Variants in MPDZ observed in about 807,000 individuals in gnomAD.
MPDZ encodes multiple PDZ domain crumbs cell polarity complex component, also known as multiple PDZ domain protein.
A neutral mutation model predicts 239.1 loss-of-function variants in MPDZ; 234 were observed. The ratio of observed to expected loss-of-function variants is 0.98; its 90% CI spans 0.88 to 1.09. The LOEUF (loss-of-function observed/expected upper bound fraction) is 1.09, where lower values mean the gene tolerates loss of function less well. MPDZ is among the 50% of genes least tolerant of loss of function. MPDZ has a pLI of 0.00. For missense variants in MPDZ, 3,175 were observed against 2,510.0 expected, an observed-to-expected ratio of 1.26 and a Z score of -5.66; for synonymous variants, 1,048 against 881.3, an observed-to-expected ratio of 1.19 and a Z score of -3.35.
chr9:13,248,460 C>T (rs1182228480), intron 2 of MPDZ, among the ~76,000 whole-genome samples: 1 of 151,968 alleles, frequency 6.6e-6, no homozygotes, highest in Non-Finnish European at 1.5e-5. Context: ...TCCTACTAGT[C>T]CTAGTGTCTT....
chr9:13,125,378 G>C lies in MPDZ; in HGVS notation c.4645C>G (p.Leu1549Val), dbSNP rs369732746. 5.0e-6 allele frequency: 8 copies of C among 1,613,434 alleles called. No homozygotes were observed. The African/African-American group carries it at 1.1e-4, about 22-fold the overall frequency. The change falls in exon 35 of 47, where the codon CTG becomes GTG. Residue 1549 changes from leucine to valine, a missense_variant. Physicochemically the swap from Leu to Val is conservative, Grantham distance 32. Coordinates refer to ENST00000319217, the MANE Select transcript of MPDZ (RefSeq NM_001378778.1). ...GYPIEKFISL[L>V]KTAKMTVKLT... ...TTTACTGTCATCTTTGCTGTCTTCA[G>C]AAGGCTAATAAACTGGCAGGGTGTA...
At chr9:13,166,759 G>C (rs566807832) in intron 22 of MPDZ, among the ~76,000 whole-genome samples, 1 of 152,166 alleles carries the variant, frequency 6.6e-6, no homozygotes, top group South Asian at 2.1e-4. Flanking sequence ...GGTAAATTCT[G>C]CTGAATCAGT....
At chr9:13,154,591 T>C (rs556025317) in intron 24 of MPDZ, among the ~76,000 whole-genome samples, 9 of 152,156 alleles carry the variant, frequency 5.9e-5, no homozygotes, top group African/African-American at 2.2e-4. Flanking sequence ...AATTAATACA[T>C]GTAGGGTCCA....
rs116525551 is a variant in MPDZ at position 13,214,889 on chromosome 9, T to G, written c.1290+1885A>C. Among the ~76,000 whole-genome samples, 558 of 151,588 alleles carry G rather than the reference T, an allele frequency of 3.7e-3. 5 individuals are homozygous for G. The highest frequency in any genetic ancestry group is 0.013 in the African/African-American group (536 of 41,396). On this transcript the variant is annotated intron_variant, in intron 10 of 46. Transcript: ENST00000319217. Reference sequence around the variant, plus strand: ...GAGGTGAACAGGTGTAGGTAGGAGTTTCACAGAACAAAACCCAAGAAGACT... The same window carrying G: ...GAGGTGAACAGGTGTAGGTAGGAGTGTCACAGAACAAAACCCAAGAAGACT...
At chr9:13,207,100 T>G (rs1957089583) in intron 10 of MPDZ, among the ~76,000 whole-genome samples, 1 of 152,130 alleles carries the variant, frequency 6.6e-6, no homozygotes, top group Admixed American at 6.5e-5. Context: ...GCTCACTGAG[T>G]GCACTGATGT....
In MPDZ at chr9:13,172,335, G is replaced by A. The variant is rs968467322; in HGVS notation, c.3055+3417C>T. Among the ~76,000 whole-genome samples, 10 of 151,634 alleles carry A rather than the reference G, an allele frequency of 6.6e-5. No individual in the cohort carries two copies. The South Asian group carries it at 1.9e-3, about 28-fold the overall frequency. On this transcript the variant is annotated intron_variant, in intron 21 of 46. Coordinates refer to ENST00000319217, the MANE Select transcript of MPDZ (RefSeq NM_001378778.1). ...TACACTTTTATATTACAGTGTGAAT[G>A]GTAAACTAATGGTGCTGTGATTTCA...
chr9:13,270,183 T>C (rs149563938), intron 1 of MPDZ, among the ~76,000 whole-genome samples: 130 of 152,304 alleles, frequency 8.5e-4, no homozygotes, highest in African/African-American at 3.0e-3. Context: ...AACATTAATA[T>C]TAAGAGCACA....
intron 10 of MPDZ, among the ~76,000 whole-genome samples, chr9:13,206,415 G>T (rs978733124): frequency 1.6e-4 from 25 of 152,004 alleles, no homozygotes; most frequent in Admixed American, 1.3e-3. Context: ...TTGAGACAGG[G>T]TCTCACTCTA....
intron 26 of MPDZ, among the ~76,000 whole-genome samples, chr9:13,146,380 AAC>A (rs1320968791): frequency 2.0e-4 from 30 of 152,096 alleles, no homozygotes; most frequent in African/African-American, 7.0e-4. Flanking sequence ...TTTGAACCTT[AAC>A]ATCTTAAATT....
At chr9:13,227,577 C>G (rs543488777) in intron 3 of MPDZ, among the ~76,000 whole-genome samples, 7 of 151,868 alleles carry the variant, frequency 4.6e-5, no homozygotes, top group Admixed American at 1.3e-4. Flanking sequence ...CAAATCGCAT[C>G]CCGAGAATAG....
At chr9:13,209,564 G>C (rs1022006394) in intron 10 of MPDZ, among the ~76,000 whole-genome samples, 1 of 152,184 alleles carries the variant, frequency 6.6e-6, no homozygotes, top group Non-Finnish European at 1.5e-5. Flanking sequence ...GAATGACCAA[G>C]GGTCATGGAA....
At chr9:13,141,988 A>G (rs994763807) in intron 27 of MPDZ, among the ~76,000 whole-genome samples, 1 of 152,016 alleles carries the variant, frequency 6.6e-6, no homozygotes, top group Non-Finnish European at 1.5e-5. Context: ...CACACATAAA[A>G]CCCTCATTTG....
intron 12 of MPDZ, among the ~76,000 whole-genome samples, chr9:13,199,103 T>C (rs1306467355): frequency 6.6e-6 from 1 of 152,064 alleles, no homozygotes; most frequent in Non-Finnish European, 1.5e-5. Context: ...CTTTTGGTAG[T>C]ATTGATATTT....
intron 1 of MPDZ, among the ~76,000 whole-genome samples, chr9:13,257,824 T>A (rs542545694): frequency 6.6e-6 from 1 of 152,322 alleles, no homozygotes; most frequent in East Asian, 1.9e-4. Flanking sequence ...TTAGTGTATG[T>A]CCCATGCCAC....
At chr9:13,152,100 G>A (rs559768605) in intron 24 of MPDZ, among the ~76,000 whole-genome samples, 1 of 152,178 alleles carries the variant, frequency 6.6e-6, no homozygotes, top group East Asian at 1.9e-4. Flanking sequence ...ACAGATAGCA[G>A]CTTCTAAGCT....
At chr9:13,277,411 G>A (rs1307189245) in intron 1 of MPDZ, among the ~76,000 whole-genome samples, 2 of 152,152 alleles carry the variant, frequency 1.3e-5, no homozygotes, top group Admixed American at 6.5e-5. Context: ...TTTGGCAAAT[G>A]AGATAGGGAA....
At chr9:13,118,653 G>T (rs1181612972) in intron 39 of MPDZ, among the ~76,000 whole-genome samples, 1 of 152,144 alleles carries the variant, frequency 6.6e-6, no homozygotes, top group Non-Finnish European at 1.5e-5. Flanking sequence ...GATAAGCATT[G>T]CCTATTTACA....
At chr9:13,204,932 T>C (rs1384871960) in intron 12 of MPDZ, 104 bp downstream of exon 12, 2 of 702,468 alleles carry the variant, frequency 2.8e-6, no homozygotes, top group Non-Finnish European at 4.2e-6. Flanking sequence ...AAATTTTTTT[T>C]AGTAACTTAC....
At chr9:13,112,270 G>C (rs964637581) in intron 42 of MPDZ, 124 bp from the exon 43 acceptor site, 12 of 1,012,970 alleles carry the variant, frequency 1.2e-5, no homozygotes, top group East Asian at 5.6e-5. Context: ...AAATGAAGAA[G>C]TGCAAGAAAA....
Sources: allele counts gnomAD v4.1 joint callset (sites outside exome capture counted in the v4.1 genomes callset), GRCh38; gene constraint gnomAD v4.1.1; transcripts MANE v1.5; gene names NCBI Gene and HGNC (gene_info 2026-07-23, HGNC 2026-07-21).